ALPK1: variants seen among roughly 807,000 people sequenced by gnomAD.
The protein encoded by ALPK1 is alpha-protein kinase 1.
In ALPK1, 110 loss-of-function variants were observed where a neutral mutation model predicts 120.6. The ratio of observed to expected loss-of-function variants is 0.91; its 90% CI spans 0.78 to 1.07. The LOEUF (loss-of-function observed/expected upper bound fraction) is 1.07. ALPK1 is among the 50% of genes least tolerant of loss of function. ALPK1 has a pLI of 0.00. For synonymous variants in ALPK1, 582 were observed against 560.3 expected (o/e 1.04, Z -0.55); for missense variants, 1,498 against 1,483.9 (o/e 1.01, Z -0.16).
rs1394387329 is a variant in ALPK1 at position 112,432,551 on chromosome 4, T to G, written c.3004T>G (p.Phe1002Val). ...TCAGAGACTAGAGAATACGGGGGTT[T>G]TTAAGCCCAGTCAACTCCACCGAGC... ...LFQRLENTGV[F>V]KPSQLHRAHS... The change falls in exon 11 of 16, where the codon TTT (phenylalanine) becomes GTT (valine). Residue 1002 changes from phenylalanine (F) to valine (V), a missense_variant. By Grantham distance (50) the Phe-to-Val change is conservative. Coordinates refer to ENST00000650871, the MANE Select transcript of ALPK1 (RefSeq NM_025144.4). 1 of 1,613,460 alleles carries G rather than the reference T, an allele frequency of 6.2e-7. No individual in the cohort carries two copies. The highest frequency in any genetic ancestry group is 8.5e-7 in the Non-Finnish European group (1 of 1,179,934).
chr4:112,398,699 C>T (rs919220868), intron 4 of ALPK1, among the ~76,000 whole-genome samples: 3 of 152,132 alleles, frequency 2.0e-5, no homozygotes, highest in African/African-American at 7.2e-5. Context: ...ATTCTGTTTG[C>T]TGTGTAAGGG....
In ALPK1 at chr4:112,377,845, T is replaced by G. The variant is rs779112711; in HGVS notation, c.68T>G (p.Leu23Trp). ...AAGCAAGTGCTGGATCAGCTCTTGT[T>G]GGAAGCGCCAGATGTGTCGGAAGAG... The part of the protein sequence containing the change: ...ECKQVLDQLL[L>W]EAPDVSEEDK... The change falls in exon 3 of 16, where the codon TTG becomes TGG. Residue 23 changes from leucine (L) to tryptophan (W), a missense_variant. Physicochemically the swap from Leu to Trp is moderately conservative, Grantham distance 61 (BLOSUM62 -2). Coordinates refer to ENST00000650871, the MANE Select transcript of ALPK1 (RefSeq NM_025144.4). The G allele has an allele frequency of 7.9e-5, 128 of 1,613,554 alleles. No individual in the cohort carries two copies. Among genetic ancestry groups the G allele is most frequent in the Non-Finnish European group, 1.1e-4 (126 of 1,179,722 alleles).
At chr4:112,309,243 C>T (rs1259739321) in intron 1 of ALPK1, among the ~76,000 whole-genome samples, 2 of 152,106 alleles carry the variant, frequency 1.3e-5, no homozygotes, top group African/African-American at 2.4e-5. Flanking sequence ...TCTCAAACTC[C>T]GTGCTGGGGC....
rs866198576 is a variant in ALPK1 at position 112,430,825 on chromosome 4, T to C, written c.1278T>C (p.Asn426=). ...ATTTACAAGTTCAAAGCTTCTCAAA[T>C]GTAGATGACAGATCTTATGTTCCCG... ...KEHLQVQSFS[N]VDDRSYVPES... Residue 426 remains asparagine, a synonymous_variant, in exon 11 of 16, where the codon AAT becomes AAC. Coordinates refer to ENST00000650871, the MANE Select transcript of ALPK1 (RefSeq NM_025144.4). 2.5e-6 allele frequency: 4 copies of C among 1,614,224 alleles called. No homozygotes were observed. The highest frequency in any genetic ancestry group is 3.4e-6 in the Non-Finnish European group (4 of 1,180,034).
At chr4:112,370,715 G>A (rs1048928475) in intron 2 of ALPK1, among the ~76,000 whole-genome samples, 41 of 152,178 alleles carry the variant, frequency 2.7e-4, no homozygotes, top group African/African-American at 8.7e-4. Flanking sequence ...TCATGTTACA[G>A]TATTTTCTTC....
chr4:112,379,563 C>A (rs971643474), intron 3 of ALPK1, among the ~76,000 whole-genome samples: 20 of 152,254 alleles, frequency 1.3e-4, no homozygotes, highest in African/African-American at 4.6e-4. Flanking sequence ...CGGCAGGTGG[C>A]TGCGGAGCGG....
chr4:112,338,835 G>T (rs1375915586), intron 2 of ALPK1, among the ~76,000 whole-genome samples: 2 of 152,162 alleles, frequency 1.3e-5, no homozygotes, highest in African/African-American at 4.8e-5. Context: ...GTGCCAAAGT[G>T]GTTCACAGGA....
At chr4:112,437,709 AAAC>A (rs1477996107) in intron 12 of ALPK1, among the ~76,000 whole-genome samples, 1 of 152,184 alleles carries the variant, frequency 6.6e-6, no homozygotes, top group African/African-American at 2.4e-5. Context: ...TGAATGGCCA[AAAC>A]CACAGCCTCC....
In ALPK1 at chr4:112,383,357, ATTT is replaced by A. The variant is rs1403222193; in HGVS notation, c.276+808_276+810del. 7 of 152,018 alleles carry A rather than the reference ATTT, an allele frequency of 4.6e-5. No individual in the cohort carries two copies. The East Asian group carries it at 1.3e-3, about 29-fold the overall frequency. The allele number at this position is 152,018 out of a possible 1,614,324, so 9.4% of individuals were successfully genotyped here. A position where few individuals can be genotyped will look rare whatever the true frequency, so the allele number is the denominator to read the frequency against. On this transcript the variant is annotated intron_variant, in intron 4 of 15. Transcript: ENST00000650871. Reference sequence around the variant, plus strand: ...CATTAAAGCATGACAATATCCTAAAATTTTTACTTTATTGCTTTACGTAAGATT... The same window carrying A: ...CATTAAAGCATGACAATATCCTAAAATTACTTTATTGCTTTACGTAAGATT...
At chr4:112,308,731 G>A (rs888863808) in intron 1 of ALPK1, among the ~76,000 whole-genome samples, 6 of 152,196 alleles carry the variant, frequency 3.9e-5, no homozygotes, top group African/African-American at 1.2e-4. Context: ...ATCGTCTGAA[G>A]CCTTCTTCTC....
chr4:112,340,556 C>T (rs1729816043), intron 2 of ALPK1, among the ~76,000 whole-genome samples: 1 of 152,138 alleles, frequency 6.6e-6, no homozygotes, highest in East Asian at 1.9e-4. Context: ...AATCATTTAT[C>T]TCTGAAGAAA....
intron 2 of ALPK1, among the ~76,000 whole-genome samples, chr4:112,371,251 C>G (rs1282641101): frequency 6.6e-6 from 1 of 152,178 alleles, no homozygotes. Flanking sequence ...CCCACCCTAA[C>G]GTACGCACTA....
At chr4:112,359,826 A>C (rs780460842) in intron 2 of ALPK1, 17 of 385,194 alleles carry the variant, frequency 4.4e-5, no homozygotes, top group African/African-American at 1.9e-4. Flanking sequence ...GTGGGTGCCC[A>C]TGGAGGCCCT....
chr4:112,365,321 A>G (rs1370195152), intron 2 of ALPK1, among the ~76,000 whole-genome samples: 1 of 152,196 alleles, frequency 6.6e-6, no homozygotes, highest in Non-Finnish European at 1.5e-5. Flanking sequence ...CTAAAGACTC[A>G]TCCAAAAAGC....
At chr4:112,305,870 A>T (rs1418225201) in intron 1 of ALPK1, among the ~76,000 whole-genome samples, 1 of 152,038 alleles carries the variant, frequency 6.6e-6, no homozygotes, top group Non-Finnish European at 1.5e-5. Flanking sequence ...ATTCAGTATG[A>T]TATTGGCTGT....
intron 10 of ALPK1, 120 bp from the exon 11 acceptor site, chr4:112,430,328 G>T: frequency 1.0e-6 from 1 of 983,440 alleles, no homozygotes; most frequent in Non-Finnish European, 1.5e-6. Flanking sequence ...GAATGTATGT[G>T]GCATGTGTTC....
chr4:112,321,683 CAT>C (rs1260087719), intron 2 of ALPK1, among the ~76,000 whole-genome samples: 1 of 152,166 alleles, frequency 6.6e-6, no homozygotes, highest in South Asian at 2.1e-4. Flanking sequence ...TATATTGAAA[CAT>C]CATAGATTTT....
intron 2 of ALPK1, among the ~76,000 whole-genome samples, chr4:112,375,595 C>T (rs112378469): frequency 1.2e-4 from 19 of 152,238 alleles, no homozygotes; most frequent in African/African-American, 4.1e-4. Context: ...ACAGATGGGG[C>T]CTTACTCTAG....
chr4:112,328,906 T>C (rs936495430), intron 2 of ALPK1, among the ~76,000 whole-genome samples: 2 of 152,170 alleles, frequency 1.3e-5, no homozygotes, highest in Non-Finnish European at 2.9e-5. Context: ...GCAGGGTCAT[T>C]ATCCCCAGAG....
Sources: allele counts gnomAD v4.1 joint callset (sites outside exome capture counted in the v4.1 genomes callset), GRCh38; gene constraint gnomAD v4.1.1; transcripts MANE v1.5; gene names NCBI Gene and HGNC (gene_info 2026-07-23, HGNC 2026-07-21).